ASPG: variants seen among roughly 807,000 people sequenced by gnomAD.
ASPG encodes asparaginase.
ASPG carries 53 observed loss-of-function variants against 63.2 expected under a neutral mutation model. That is an observed-to-expected ratio of 0.84 (90% CI 0.67 to 1.05). ASPG has a LOEUF of 1.05. Among genes scored for constraint, ASPG ranks in the 50% least tolerant of loss-of-function variants. The pLI, the probability that ASPG is intolerant of heterozygous loss-of-function variation, is 0.00. For synonymous variants in ASPG, 370 were observed against 355.0 expected, an observed-to-expected ratio of 1.04 and a Z score of -0.48; for missense variants, 741 against 794.4, an observed-to-expected ratio of 0.93 and a Z score of 0.81.
At chr14:104,097,676 TG>T (rs2036657166) in intron 5 of ASPG, 39 bp downstream of exon 5, 7 of 1,541,416 alleles carry the variant, frequency 4.5e-6, no homozygotes, top group Non-Finnish European at 6.1e-6. Context: ...GCAGGTGGGG[TG>T]GGGGCAGGAG....
intron 2 of ASPG, 66 bp downstream of exon 2, chr14:104,092,807 G>A: frequency 7.3e-7 from 1 of 1,375,972 alleles, no homozygotes; most frequent in South Asian, 1.2e-5. Flanking sequence ...TCCTGAGGCT[G>A]GGCACTGCTG....
chr14:104,111,373 G>A, intron 13 of ASPG, 129 bp from the exon 14 acceptor site: 1 of 1,033,110 alleles, frequency 9.7e-7, no homozygotes, highest in Non-Finnish European at 1.4e-6. Flanking sequence ...CCAGGACCAG[G>A]TCGCTGCTGG....
intron 3 of ASPG, among the ~76,000 whole-genome samples, chr14:104,094,000 C>G (rs1401455289): frequency 1.3e-5 from 2 of 151,746 alleles, no homozygotes; most frequent in African/African-American, 2.4e-5. Context: ...CAGAAACACT[C>G]TGGGACGGGT....
Position 104,106,909 on chromosome 14 carries a change from C to A in ASPG, c.1269+15C>A. On this transcript the variant is annotated intron_variant, in intron 11 of 15. Transcript: ENST00000551177. ...TTGTGGAGCTGGTGAGCCTCCCCCA[C>A]CCTGGGGGCCCAGCCCCAGCCACGC... 1 of 1,556,904 alleles carries A rather than the reference C, an allele frequency of 6.4e-7. No homozygotes were observed. Among genetic ancestry groups the A allele is most frequent in the Non-Finnish European group, 8.7e-7 (1 of 1,154,100 alleles).
Position 104,106,960 on chromosome 14 carries a change from A to G in ASPG, c.1269+66A>G, listed in dbSNP as rs956290878. 1.4e-5 allele frequency: 20 copies of G among 1,469,872 alleles called. 2 individuals carry two copies. The Middle Eastern group carries it at 4.2e-3, about 307-fold the overall frequency. The allele number at this position is 1,469,872 out of a possible 1,614,324, so 91.1% of individuals were successfully genotyped here. ...CTGGCCTGGGGGCTCTGAACCCTGT[A>G]GGCAGGACGGCCTTTCATCCACCCA... On this transcript the variant is annotated intron_variant, in intron 11 of 15. Coordinates refer to ENST00000551177, the MANE Select transcript of ASPG (RefSeq NM_001080464.3).
In ASPG at chr14:104,091,370, G is replaced by T. The variant is rs1286723671; in HGVS notation, c.83-1263G>T. Among the ~76,000 whole-genome samples the T allele has an allele frequency of 6.6e-6, 1 of 152,100 alleles. No individual in the cohort carries two copies. The highest frequency in any genetic ancestry group is 2.4e-5 in the African/African-American group (1 of 41,408). ...CTCTGGGCGCCTCGGAGGGCAGACG[G>T]GCAGACAAACATGTGCGGGCTCCGC... On this transcript the variant is annotated intron_variant, in intron 1 of 15. Transcript: ENST00000551177. This position sits in a 1 kb window ranked among gnomAD's most constrained non-coding sequence, Gnocchi z 6.4.
Position 104,085,983 on chromosome 14 carries a change from G to A in ASPG, c.82+131G>A, listed in dbSNP as rs73356388. 3.2e-3 allele frequency: 2,653 copies of A among 831,204 alleles called. 53 individuals are homozygous for A. The African/African-American group carries it at 0.043, about 13-fold the overall frequency. The allele number at this position is 831,204 out of a possible 1,614,324, so 51.5% of individuals were successfully genotyped here. A position where few individuals can be genotyped will look rare whatever the true frequency, so the allele number is the denominator to read the frequency against. ...TGGATGGGGGGTGCGGGCTGAGGTC[G>A]CTCTCCTCCGGTTCCGGCCACCGGC... On this transcript the variant is annotated intron_variant, in intron 1 of 15. Transcript: ENST00000551177.
intron 6 of ASPG, among the ~76,000 whole-genome samples, chr14:104,102,338 C>T (rs1426307267): frequency 2.0e-5 from 3 of 152,078 alleles, no homozygotes; most frequent in Non-Finnish European, 4.4e-5. Context: ...CCAGGAAAGT[C>T]CTTTTTATCG....
At chr14:104,106,218 T>TCCC (rs2037120624) in intron 10 of ASPG, among the ~76,000 whole-genome samples, 1 of 152,262 alleles carries the variant, frequency 6.6e-6, no homozygotes, top group Non-Finnish European at 1.5e-5. Context: ...AGCAGCCTTG[T>TCCC]CACCAGGCCA....
chr14:104,111,817 G>T, intron 14 of ASPG, 103 bp from the exon 15 acceptor site: 2 of 1,190,016 alleles, frequency 1.7e-6, no homozygotes, highest in South Asian at 1.4e-5. Flanking sequence ...GGCCCTGTGT[G>T]TGTGGGCTGG....
intron 8 of ASPG, 39 bp downstream of exon 8, chr14:104,104,525 A>G: frequency 6.2e-7 from 1 of 1,600,550 alleles, no homozygotes; most frequent in Non-Finnish European, 8.5e-7. Context: ...GGAAGGGGAC[A>G]GCCTGAGGGC....
intron 6 of ASPG, among the ~76,000 whole-genome samples, 169 bp from the exon 7 acceptor site, chr14:104,103,394 G>A (rs988091959): frequency 3.9e-5 from 6 of 152,260 alleles, no homozygotes; most frequent in Non-Finnish European, 8.8e-5. Context: ...GCGGAAGCCC[G>A]GGAGGATTTG....
In ASPG at chr14:104,110,533, G is replaced by A; in HGVS notation, c.1521-969G>A. 1.0e-6 allele frequency: 1 copy of A among 985,348 alleles called. No individual in the cohort carries two copies. The allele number at this position is 985,348 out of a possible 1,614,324, so 61.0% of individuals were successfully genotyped here. A position where few individuals can be genotyped will look rare whatever the true frequency, so the allele number is the denominator to read the frequency against. On this transcript the variant is annotated intron_variant, in intron 13 of 15. Coordinates refer to ENST00000551177, the MANE Select transcript of ASPG (RefSeq NM_001080464.3). The surrounding 1 kb of genome is among the most constrained non-coding windows in gnomAD (Gnocchi z 4.7). ...GCCTGGCCAGCCTGAGCTGCTGGCT[G>A]GACTTGAGCCCCTCGGCTAGGCCTT...
At chr14:104,098,226 G>A (rs1209760311) in intron 5 of ASPG, among the ~76,000 whole-genome samples, 3 of 152,280 alleles carry the variant, frequency 2.0e-5, no homozygotes, top group Middle Eastern at 3.4e-3. Context: ...ACGTATGGAG[G>A]TTTTACATTA....
chr14:104,113,055 CCTGCTTAACTCTTT>C lies in ASPG; in HGVS notation c.*512_*525del. The stretch of plus-strand genomic sequence containing the variant: ...CCAACCCCTGGATGAGCATGCTGCC[CCTGCTTAACTCTTT>C]AGTCCTCACAGTCCCGTCCCAGTTG... On this transcript the variant is annotated 3_prime_UTR_variant, in exon 16 of 16. Transcript: ENST00000551177. 4.5e-6 allele frequency: 1 copy of C among 220,144 alleles called. No homozygotes were observed. The highest frequency in any genetic ancestry group is 7.2e-5 in the South Asian group (1 of 13,854). The allele number at this position is 220,144 out of a possible 1,614,324, so 13.6% of individuals were successfully genotyped here. A position where few individuals can be genotyped will look rare whatever the true frequency, so the allele number is the denominator to read the frequency against.
chr14:104,098,722 G>T, intron 5 of ASPG, 131 bp from the exon 6 acceptor site: 1 of 1,393,186 alleles, frequency 7.2e-7, no homozygotes, highest in Non-Finnish European at 9.7e-7. Flanking sequence ...CTCTGCCTGC[G>T]GTGGGTGGGG....
chr14:104,097,957 C>T (rs1455298496), intron 5 of ASPG, among the ~76,000 whole-genome samples: 5 of 132,646 alleles, frequency 3.8e-5, no homozygotes, highest in Non-Finnish European at 7.9e-5. Flanking sequence ...GTTAGAGATG[C>T]GTATGGAGGT....
At position 104,105,111 on chromosome 14, in the gene ASPG, T is replaced by C. The variant is rs1029741831; in HGVS notation, c.1051-217T>C. ...AGCCTCTGGGGCTGGACGGAGGCTT[T>C]TGGGGCCCCTGGAGACCCTGAGCTG... is the stretch of plus-strand genomic sequence containing the variant. On this transcript the variant is annotated intron_variant, in intron 9 of 15. Coordinates refer to ENST00000551177, the MANE Select transcript of ASPG (RefSeq NM_001080464.3). The C allele has an allele frequency of 2.1e-5, 15 of 700,470 alleles. No homozygotes were observed. The African/African-American group carries it at 2.2e-4, about 10-fold the overall frequency. The allele number at this position is 700,470 out of a possible 1,614,324, so 43.4% of individuals were successfully genotyped here.
At position 104,111,951 on chromosome 14, in the gene ASPG, C is replaced by A. The variant is rs1006564958; in HGVS notation, c.1652C>A (p.Ala551Asp). The change falls in exon 15 of 16, where the codon GCC becomes GAC. Residue 551 changes from alanine to aspartate, a missense_variant. Transcript: ENST00000551177. ...AEAAGNLAVVAFLQSLEGAVG... is the reference protein window; with the variant it reads ...AEAAGNLAVVDFLQSLEGAVG... ...GCAGCCGGGAACCTGGCAGTGGTGG[C>A]CTTTCTACAGAGCCTGGAGGGTGCG... The A allele has an allele frequency of 1.9e-6, 3 of 1,557,942 alleles. No homozygotes were observed. Among genetic ancestry groups the A allele is most frequent in the Non-Finnish European group, 2.6e-6 (3 of 1,150,624 alleles).
Sources: gnomAD v4.1 joint callset for allele counts (sites outside exome capture counted in the v4.1 genomes callset) on GRCh38, gnomAD v4.1.1 for gene constraint, Gnocchi (gnomAD v3.1) non-coding constraint, MANE v1.5 for transcripts, NCBI Gene and HGNC (gene_info 2026-07-23, HGNC 2026-07-21) for gene names.